XKR7: variants seen among roughly 807,000 people sequenced by gnomAD.
The protein encoded by XKR7 is XK related 7.
XKR7 carries 11 observed loss-of-function variants against 42.2 expected under a neutral mutation model. The observed-to-expected ratio is 0.26, with a 90% CI of 0.16 to 0.43. The LOEUF (loss-of-function observed/expected upper bound fraction) is 0.43. Among genes scored for constraint, XKR7 ranks in the 20% least tolerant of loss-of-function variants. The pLI is 1.00. For missense variants in XKR7, 710 were observed against 802.2 expected, an observed-to-expected ratio of 0.89 and a Z score of 1.39; for synonymous variants, 346 against 366.4, an observed-to-expected ratio of 0.94 and a Z score of 0.64.
chr20:31,981,378 AAAC>A (rs1374983763), intron 1 of XKR7, among the ~76,000 whole-genome samples: 3 of 151,952 alleles, frequency 2.0e-5, no homozygotes, highest in African/African-American at 4.8e-5. Flanking sequence ...CCTGTCTCAA[AAAC>A]AACAACAACA....
At chr20:31,976,641 T>C (rs1053725676) in intron 1 of XKR7, among the ~76,000 whole-genome samples, 1 of 152,180 alleles carries the variant, frequency 6.6e-6, no homozygotes, top group Non-Finnish European at 1.5e-5. Context: ...TGCCTCGGCC[T>C]CCCAAAGTGC....
intron 1 of XKR7, among the ~76,000 whole-genome samples, chr20:31,989,932 G>T (rs2064562084): frequency 6.6e-6 from 1 of 152,184 alleles, no homozygotes; most frequent in South Asian, 2.1e-4. Flanking sequence ...TTTTGGAGAA[G>T]ATCAGATGTA....
intron 1 of XKR7, among the ~76,000 whole-genome samples, chr20:31,987,950 C>T (rs1431186883): frequency 6.6e-6 from 1 of 152,174 alleles, no homozygotes; most frequent in East Asian, 1.9e-4. Context: ...GACTGACTGA[C>T]TAACAGACTC....
intron 1 of XKR7, among the ~76,000 whole-genome samples, chr20:31,973,578 C>A (rs969225222): frequency 6.6e-6 from 1 of 151,940 alleles, no homozygotes; most frequent in Non-Finnish European, 1.5e-5. Context: ...TCAGGGTGGA[C>A]CTCTCCAAGG....
chr20:31,981,641 G>A (rs1413441113), intron 1 of XKR7, among the ~76,000 whole-genome samples: 2 of 152,172 alleles, frequency 1.3e-5, no homozygotes, highest in African/African-American at 2.4e-5. Context: ...GCAGTGAGCC[G>A]AAATCGTGCC....
chr20:31,996,473 CA>C, intron 2 of XKR7, 31 bp from the exon 3 acceptor site: 1 of 442,970 alleles, frequency 2.3e-6, no homozygotes, highest in South Asian at 6.7e-5. Flanking sequence ...GCCCCTAACC[CA>C]GCCCACCCCG....
chr20:32,000,476 T>G lies in XKR7; in HGVS notation c.*3019T>G, dbSNP rs891288438. The stretch of plus-strand genomic sequence containing the variant: ...TTCCTTAAGCCACCTGCCCTCCACA[T>G]CCATTAGACAGGAGAAAGTGAGACC... On this transcript the variant is annotated 3_prime_UTR_variant, in exon 3 of 3. Coordinates refer to ENST00000562532, the MANE Select transcript of XKR7 (RefSeq NM_001011718.2). 6.6e-6 allele frequency: 1 copy of G among 152,108 alleles called. No homozygotes were observed. Among genetic ancestry groups the G allele is most frequent in the Non-Finnish European group, 1.5e-5 (1 of 68,190 alleles). The allele number at this position is 152,108 out of a possible 1,614,324, so 9.4% of individuals were successfully genotyped here. A position where few individuals can be genotyped will look rare whatever the true frequency, so the allele number is the denominator to read the frequency against.
chr20:31,990,981 G>C (rs1426720543), intron 1 of XKR7, among the ~76,000 whole-genome samples: 1 of 152,106 alleles, frequency 6.6e-6, no homozygotes, highest in Non-Finnish European at 1.5e-5. Context: ...CCACATTCCT[G>C]GTACTCAGAG....
At position 31,986,368 on chromosome 20, in the gene XKR7, G is replaced by A. The variant is rs372023809; in HGVS notation, c.585-8700G>A. Among the ~76,000 whole-genome samples, 33 of 126,484 alleles carry A rather than the reference G, an allele frequency of 2.6e-4. No individual in the cohort carries two copies. The South Asian group carries it at 4.7e-3, about 18-fold the overall frequency. The allele number at this position is 126,484 out of a possible 152,430, so 83.0% of individuals were successfully genotyped here. On this transcript the variant is annotated intron_variant, in intron 1 of 2. Transcript: ENST00000562532. ...AAGACACAGACAGACAGACCACCAA[G>A]CAGACCAAGCATCCAAGACACAGAC...
intron 1 of XKR7, among the ~76,000 whole-genome samples, chr20:31,993,243 G>A (rs1208671816): frequency 6.6e-6 from 1 of 152,156 alleles, no homozygotes; most frequent in Non-Finnish European, 1.5e-5. Context: ...CGGGAGTAGG[G>A]GGCGCTGGGA....
At chr20:31,975,731 G>C (rs2064481915) in intron 1 of XKR7, among the ~76,000 whole-genome samples, 1 of 152,092 alleles carries the variant, frequency 6.6e-6, no homozygotes. Context: ...GGTGGGGTCA[G>C]GGGAGATTTC....
rs1459326187 is a variant in XKR7, at chr20:32,000,301, A to G, written c.*2844A>G. On this transcript the variant is annotated 3_prime_UTR_variant, in exon 3 of 3. Coordinates refer to ENST00000562532, the MANE Select transcript of XKR7 (RefSeq NM_001011718.2). ...GTTTTGTTTTTCTTTCTGTGACACA[A>G]TCTACCTCAGCCAGTCTCTCCCCTA... is the stretch of plus-strand genomic sequence containing the variant. 3 of 152,508 alleles carry G rather than the reference A, an allele frequency of 2.0e-5. No homozygotes were observed. The highest frequency in any genetic ancestry group is 1.9e-4 in the East Asian group (1 of 5,202). 9.4% of individuals were successfully genotyped at this position (152,508 alleles called of 1,614,324 possible). A position where few individuals can be genotyped will look rare whatever the true frequency, so the allele number is the denominator to read the frequency against.
Position 31,968,415 on chromosome 20 carries a change from C to T in XKR7, c.240C>T (p.Ser80=), listed in dbSNP as rs1317166491. ...CCACGGACCTGTGGCTGGCGGCCTC[C>T]TACTACCTGCAGAATCAACACACCT... ...DGATDLWLAA[S]YYLQNQHTYF... is the part of the protein sequence containing the mutation. The change falls in exon 1 of 3, where the codon TCC becomes TCT. Residue 80 remains serine, a synonymous_variant. Transcript: ENST00000562532. The surrounding 1 kb of genome is among the most constrained non-coding windows in gnomAD (Gnocchi z 4.5). 2 of 1,613,750 alleles carry T rather than the reference C, an allele frequency of 1.2e-6. No individual in the cohort carries two copies.
At chr20:31,976,439 C>T (rs2064485386) in intron 1 of XKR7, among the ~76,000 whole-genome samples, 1 of 151,866 alleles carries the variant, frequency 6.6e-6, no homozygotes, top group South Asian at 2.1e-4. Flanking sequence ...GGCTGGAGTG[C>T]AGTGGCTCGA....
chr20:31,993,078 G>T (rs1455547692), intron 1 of XKR7, among the ~76,000 whole-genome samples: 2 of 143,418 alleles, frequency 1.4e-5, no homozygotes, highest in Admixed American at 1.4e-4. Flanking sequence ...TCTGTGTAAG[G>T]GTTCCCCCTC....
chr20:31,996,462 C>G, intron 2 of XKR7, 43 bp from the exon 3 acceptor site: 1 of 426,742 alleles, frequency 2.3e-6, no homozygotes, highest in Non-Finnish European at 4.0e-6. Flanking sequence ...AACCCGAGCC[C>G]GCCCCTAACC....
chr20:31,990,399 A>G lies in XKR7; in HGVS notation c.585-4669A>G, dbSNP rs1199540242. ...CTCAGAGAAGTGGAGAGACTACCCA[A>G]GGTCACACAGCAGGTCTGGGACAGG... On this transcript the variant is annotated intron_variant, in intron 1 of 2. Coordinates refer to ENST00000562532, the MANE Select transcript of XKR7 (RefSeq NM_001011718.2). Among the ~76,000 whole-genome samples, 5 of 152,308 alleles carry G rather than the reference A, an allele frequency of 3.3e-5. No individual in the cohort carries two copies. The East Asian group carries it at 5.8e-4, about 18-fold the overall frequency.
Position 31,997,480 on chromosome 20 carries a change from G to A in XKR7, c.*23G>A. 6.4e-7 allele frequency: 1 copy of A among 1,567,808 alleles called. No individual in the cohort carries two copies. Among genetic ancestry groups the A allele is most frequent in the African/African-American group, 1.3e-5 (1 of 74,480 alleles). Reference sequence around the variant, plus strand: ...TAGGCTACAGTGTCCCAGCACAAAAGGGACAGGCTTGGCTGATCCCACATC... The same window carrying A: ...TAGGCTACAGTGTCCCAGCACAAAAAGGACAGGCTTGGCTGATCCCACATC... On this transcript the variant is annotated 3_prime_UTR_variant, in exon 3 of 3. Transcript: ENST00000562532.
intron 1 of XKR7, among the ~76,000 whole-genome samples, chr20:31,990,500 A>G (rs548747029): frequency 3.9e-5 from 6 of 152,366 alleles, no homozygotes; most frequent in East Asian, 1.9e-4. Flanking sequence ...ATGTGTAAGC[A>G]GAATGGCAAG....
Sources: gnomAD v4.1 joint callset for allele counts (sites outside exome capture counted in the v4.1 genomes callset) on GRCh38, gnomAD v4.1.1 for gene constraint, Gnocchi (gnomAD v3.1) non-coding constraint, MANE v1.5 for transcripts, NCBI Gene and HGNC (gene_info 2026-07-23, HGNC 2026-07-21) for gene names.